Variants in CADPS2 observed in about 807,000 individuals in gnomAD.
CADPS2 encodes the protein calcium-dependent secretion activator 2.
In CADPS2, 93 loss-of-function variants were observed where a neutral mutation model predicts 172.5. The observed-to-expected ratio is 0.54, with a 90% CI of 0.46 to 0.64. CADPS2 has a LOEUF of 0.64. Ranked by LOEUF, CADPS2 falls within the 30% of genes least tolerant of loss-of-function variation. The pLI is 0.00. For missense variants in CADPS2, 1,420 were observed against 1,565.9 expected (o/e 0.91, Z 1.57); for synonymous variants, 546 against 555.2 (o/e 0.98, Z 0.23).
intron 17 of CADPS2, among the ~76,000 whole-genome samples, chr7:122,419,870 ACT>A (rs1436212044): frequency 6.6e-6 from 1 of 152,116 alleles, no homozygotes; most frequent in African/African-American, 2.4e-5. Flanking sequence ...TCTTTGCCTA[ACT>A]CTGCATGTTT....
intron 17 of CADPS2, among the ~76,000 whole-genome samples, chr7:122,424,732 G>C (rs1355290834): frequency 2.6e-5 from 4 of 152,126 alleles, no homozygotes. Context: ...TTTTATTAAA[G>C]TTGTCTTTTC....
chr7:122,730,626 T>TA (rs2137492076), intron 2 of CADPS2, among the ~76,000 whole-genome samples: 1 of 151,874 alleles, frequency 6.6e-6, no homozygotes, highest in African/African-American at 2.4e-5. Context: ...TAAAGTATGC[T>TA]AATGTCATAT....
chr7:122,835,647 C>T (rs1312939603), intron 1 of CADPS2, among the ~76,000 whole-genome samples: 1 of 152,118 alleles, frequency 6.6e-6, no homozygotes, highest in Non-Finnish European at 1.5e-5. Flanking sequence ...GTACAAGCTT[C>T]AGTAGCCGAT....
At chr7:122,327,523 A>G (rs1262637749) in intron 28 of CADPS2, among the ~76,000 whole-genome samples, 1 of 152,252 alleles carries the variant, frequency 6.6e-6, no homozygotes, top group Admixed American at 6.5e-5. Flanking sequence ...CTGCACAGTT[A>G]CTGTAACTTG....
intron 18 of CADPS2, among the ~76,000 whole-genome samples, chr7:122,415,434 G>T (rs1265866957): frequency 2.0e-5 from 3 of 151,946 alleles, no homozygotes; most frequent in Admixed American, 6.6e-5. Flanking sequence ...ATTAATTATA[G>T]GACTTTTCTG....
intron 2 of CADPS2, among the ~76,000 whole-genome samples, chr7:122,715,585 C>CG (rs2089477054): frequency 6.6e-6 from 1 of 152,012 alleles, no homozygotes; most frequent in African/African-American, 2.4e-5. Context: ...AGGTCTGAAG[C>CG]ATACAGGGTC....
intron 6 of CADPS2, among the ~76,000 whole-genome samples, chr7:122,600,378 G>C (rs2072565662): frequency 6.6e-6 from 1 of 152,060 alleles, no homozygotes; most frequent in Non-Finnish European, 1.5e-5. Flanking sequence ...ACTGAGCCAT[G>C]AAACAGTCAT....
intron 1 of CADPS2, among the ~76,000 whole-genome samples, chr7:122,745,550 TTAAG>T (rs1453276528): frequency 2.0e-5 from 3 of 151,324 alleles, no homozygotes; most frequent in Non-Finnish European, 2.9e-5. Context: ...TGCTTATTAT[TTAAG>T]TCTTTCCATT....
chr7:122,579,005 A>G (rs1006680685), intron 7 of CADPS2, among the ~76,000 whole-genome samples: 3 of 152,136 alleles, frequency 2.0e-5, no homozygotes, highest in East Asian at 3.9e-4. Context: ...TGGGGATACA[A>G]GTCATAAGTT....
chr7:122,712,223 C>T (rs1267088833), intron 2 of CADPS2, among the ~76,000 whole-genome samples: 1 of 152,048 alleles, frequency 6.6e-6, no homozygotes, highest in Admixed American at 6.6e-5. Context: ...GGCAGGACTT[C>T]GCTATGCTCC....
At chr7:122,442,355 C>T (rs1004047869) in intron 15 of CADPS2, among the ~76,000 whole-genome samples, 1 of 152,146 alleles carries the variant, frequency 6.6e-6, no homozygotes, top group East Asian at 1.9e-4. Flanking sequence ...CCTTGCTTTG[C>T]TGAACCAGAT....
chr7:122,806,531 G>T (rs17144907), intron 1 of CADPS2, among the ~76,000 whole-genome samples: 33,391 of 152,134 alleles, frequency 0.22, 3,964 homozygotes, highest in Middle Eastern at 0.31. Context: ...ATTTTAAGAT[G>T]TCTAAAAAAC....
intron 7 of CADPS2, among the ~76,000 whole-genome samples, chr7:122,561,516 G>GT (rs1352347980): frequency 6.6e-6 from 1 of 152,102 alleles, no homozygotes; most frequent in African/African-American, 2.4e-5. Context: ...AAAGTAAGAT[G>GT]TGTCAATCAT....
intron 3 of CADPS2, among the ~76,000 whole-genome samples, chr7:122,662,573 A>G (rs1353855691): frequency 6.6e-6 from 1 of 152,016 alleles, no homozygotes; most frequent in Non-Finnish European, 1.5e-5. Flanking sequence ...ACCAGGTTTC[A>G]CCATGTTGCC....
At chr7:122,588,205 CTTTAG>C (rs531381674) in intron 6 of CADPS2, among the ~76,000 whole-genome samples, 153 of 152,166 alleles carry the variant, frequency 1.0e-3, no homozygotes, top group African/African-American at 3.4e-3. Flanking sequence ...TGCAGAAGCT[CTTTAG>C]TTTAATTAGA....
intron 3 of CADPS2, among the ~76,000 whole-genome samples, chr7:122,645,543 T>TAC (rs1491294595): frequency 1.7e-4 from 20 of 120,430 alleles, no homozygotes; most frequent in African/African-American, 6.8e-4. Context: ...TATATATACT[T>TAC]ATATATATAC....
At chr7:122,644,105 A>G (rs371219858) in intron 3 of CADPS2, among the ~76,000 whole-genome samples, 9 of 151,950 alleles carry the variant, frequency 5.9e-5, no homozygotes, top group African/African-American at 9.7e-5. Flanking sequence ...TGAAGGAAGG[A>G]AGGAAGGAAG....
chr7:122,773,309 T>C (rs1028542553), intron 1 of CADPS2, among the ~76,000 whole-genome samples: 1 of 152,016 alleles, frequency 6.6e-6, no homozygotes, highest in African/African-American at 2.4e-5. Context: ...AGACTGTTTA[T>C]ACTACTTAAA....
chr7:122,554,950 C>A (rs903473775), intron 7 of CADPS2, among the ~76,000 whole-genome samples: 1 of 152,032 alleles, frequency 6.6e-6, no homozygotes, highest in African/African-American at 2.4e-5. Flanking sequence ...AATAGCACAA[C>A]AAGCCACAGT....
Sources: gnomAD v4.1 joint callset for allele counts (sites outside exome capture counted in the v4.1 genomes callset) on GRCh38, gnomAD v4.1.1 for gene constraint, MANE v1.5 for transcripts, NCBI Gene and HGNC (gene_info 2026-07-23, HGNC 2026-07-21) for gene names.